The following ADGRL3 variants were observed in gnomAD, a reference collection of about 807,000 sequenced individuals.
ADGRL3 encodes calcium-independent alpha-latrotoxin receptor 3.
ADGRL3 carries 62 observed loss-of-function variants against 153.5 expected under a neutral mutation model. The observed-to-expected ratio is 0.40, with a 90% confidence interval of 0.33 to 0.50. The LOEUF is 0.50. ADGRL3 is among the 20% of genes least tolerant of loss of function. The pLI is 0.47. For synonymous variants in ADGRL3, 710 were observed against 672.5 expected, an observed-to-expected ratio of 1.06 and a Z score of -0.86; for missense variants, 1,641 against 1,859.4, an observed-to-expected ratio of 0.88 and a Z score of 2.16.
At chr4:61,856,768 C>A (rs1399108426) in intron 9 of ADGRL3, among the ~76,000 whole-genome samples, 1 of 151,544 alleles carries the variant, frequency 6.6e-6, no homozygotes, top group Non-Finnish European at 1.5e-5. Context: ...CTACATATGG[C>A]TGGTTTTTGT....
intron 6 of ADGRL3, among the ~76,000 whole-genome samples, chr4:61,690,398 G>A (rs2095519016): frequency 6.6e-6 from 1 of 151,786 alleles, no homozygotes. Context: ...TCATACCACT[G>A]CACACCAGCC....
intron 2 of ADGRL3, among the ~76,000 whole-genome samples, chr4:61,478,254 A>C (rs1373242298): frequency 6.6e-6 from 1 of 152,092 alleles, no homozygotes; most frequent in Admixed American, 6.5e-5. Context: ...CTTAATGTTA[A>C]GATATACAAG....
intron 1 of ADGRL3, among the ~76,000 whole-genome samples, chr4:61,203,920 T>TA (rs1735975762): frequency 1.3e-5 from 2 of 151,778 alleles, no homozygotes; most frequent in South Asian, 4.2e-4. Context: ...CCAATCTTTT[T>TA]TTTTTTGTAA....
At chr4:61,580,176 T>A (rs1265305551) in intron 4 of ADGRL3, among the ~76,000 whole-genome samples, 1 of 148,986 alleles carries the variant, frequency 6.7e-6, no homozygotes, top group African/African-American at 2.4e-5. Context: ...AAGAAACTCT[T>A]TTAGAATCAT....
At chr4:61,687,834 T>C (rs1194796415) in intron 6 of ADGRL3, among the ~76,000 whole-genome samples, 2 of 152,068 alleles carry the variant, frequency 1.3e-5, no homozygotes, top group African/African-American at 4.8e-5. Flanking sequence ...TTACAATAAT[T>C]GACTTGTAAA....
At chr4:61,320,616 A>G (rs1423461517) in intron 1 of ADGRL3, among the ~76,000 whole-genome samples, 1 of 152,202 alleles carries the variant, frequency 6.6e-6, no homozygotes, top group Non-Finnish European at 1.5e-5. Flanking sequence ...AGGCCTGCCC[A>G]TATTATGAAG....
intron 2 of ADGRL3, among the ~76,000 whole-genome samples, chr4:61,460,504 A>G (rs2097798218): frequency 6.6e-6 from 1 of 151,534 alleles, no homozygotes; most frequent in South Asian, 2.1e-4. Flanking sequence ...TCATGGAGGT[A>G]GAGAGTAGAA....
intron 2 of ADGRL3, among the ~76,000 whole-genome samples, chr4:61,495,202 C>A (rs1388655067): frequency 6.6e-6 from 1 of 152,094 alleles, no homozygotes; most frequent in Non-Finnish European, 1.5e-5. Context: ...AATGCGTGCT[C>A]TTAACTACCA....
At chr4:61,233,704 C>CGT (rs1010703605) in intron 1 of ADGRL3, among the ~76,000 whole-genome samples, 2 of 151,358 alleles carry the variant, frequency 1.3e-5, no homozygotes, top group Non-Finnish European at 3.0e-5. Context: ...GTGTGTAGTG[C>CGT]GTGTGTGTGT....
At chr4:61,221,162 T>C (rs568349610) in intron 1 of ADGRL3, among the ~76,000 whole-genome samples, 51 of 152,322 alleles carry the variant, frequency 3.3e-4, no homozygotes, top group African/African-American at 1.2e-3. Context: ...CTGAATATAA[T>C]AGTTTTATAA....
intron 11 of ADGRL3, among the ~76,000 whole-genome samples, chr4:61,896,383 G>C (rs2098631552): frequency 6.6e-6 from 1 of 152,108 alleles, no homozygotes; most frequent in African/African-American, 2.4e-5. Flanking sequence ...ACAGAGACCA[G>C]ATGTGCATTT....
intron 1 of ADGRL3, among the ~76,000 whole-genome samples, chr4:61,224,871 G>A (rs992751416): frequency 2.0e-5 from 3 of 152,132 alleles, no homozygotes; most frequent in African/African-American, 4.8e-5. Context: ...CTGTAGGGGC[G>A]ATGGAGCTTG....
intron 13 of ADGRL3, among the ~76,000 whole-genome samples, chr4:61,929,354 A>G (rs766991869): frequency 3.3e-5 from 5 of 152,150 alleles, no homozygotes; most frequent in Non-Finnish European, 7.3e-5. Context: ...GTGGTTTATA[A>G]AATTGTCCAG....
At chr4:61,317,754 TA>T (rs1355906727) in intron 1 of ADGRL3, among the ~76,000 whole-genome samples, 3 of 152,170 alleles carry the variant, frequency 2.0e-5, no homozygotes, top group African/African-American at 7.2e-5. Context: ...CCAGAGTCTA[TA>T]TATCATACTT....
intron 1 of ADGRL3, among the ~76,000 whole-genome samples, chr4:61,317,975 A>G (rs894610254): frequency 2.6e-4 from 39 of 152,066 alleles, no homozygotes; most frequent in Admixed American, 3.3e-4. Flanking sequence ...CAGGAGTTCA[A>G]AACCAGACTG....
intron 4 of ADGRL3, among the ~76,000 whole-genome samples, chr4:61,578,784 G>A (rs2098908141): frequency 6.6e-6 from 1 of 151,984 alleles, no homozygotes; most frequent in Non-Finnish European, 1.5e-5. Context: ...ACTAGCACAT[G>A]TTTATTTGAT....
At chr4:61,327,532 G>A (rs1010142480) in intron 1 of ADGRL3, among the ~76,000 whole-genome samples, 7 of 151,834 alleles carry the variant, frequency 4.6e-5, no homozygotes, top group Non-Finnish European at 7.4e-5. Flanking sequence ...ATAAAGTATC[G>A]TCTAATCAGA....
At chr4:61,893,387 T>C (rs1284499042) in intron 10 of ADGRL3, among the ~76,000 whole-genome samples, 1 of 152,138 alleles carries the variant, frequency 6.6e-6, no homozygotes, top group Non-Finnish European at 1.5e-5. Context: ...AGCTTTTCTA[T>C]ACAGCAGTCC....
chr4:61,539,247 G>C (rs915051572), intron 4 of ADGRL3, among the ~76,000 whole-genome samples: 1 of 152,242 alleles, frequency 6.6e-6, no homozygotes, highest in Non-Finnish European at 1.5e-5. Flanking sequence ...AATGCACAGA[G>C]TGGCTGTCTC....
Sources: gnomAD v4.1 joint callset for allele counts (sites outside exome capture counted in the v4.1 genomes callset) on GRCh38, gnomAD v4.1.1 for gene constraint, MANE v1.5 for transcripts, NCBI Gene and HGNC (gene_info 2026-07-23, HGNC 2026-07-21) for gene names.